CDH12: variants seen among roughly 807,000 people sequenced by gnomAD.
CDH12 encodes cadherin 12.
A neutral mutation model predicts 74.1 loss-of-function variants in CDH12; 41 were observed. The ratio of observed to expected loss-of-function variants is 0.55; its 90% confidence interval spans 0.43 to 0.72. The LOEUF is 0.72. Among genes scored for constraint, CDH12 ranks in the 30% least tolerant of loss-of-function variants. The probability of loss-of-function intolerance (pLI) is 0.00; values close to 1 mark genes in which losing one functional copy is unlikely to be tolerated. For synonymous variants in CDH12, 399 were observed against 355.0 expected, an observed-to-expected ratio of 1.12 and a Z score of -1.39; for missense variants, 945 against 977.2, an observed-to-expected ratio of 0.97 and a Z score of 0.44.
chr5:22,190,558 C>T (rs1219257141), intron 4 of CDH12, among the ~76,000 whole-genome samples: 1 of 152,274 alleles, frequency 6.6e-6, no homozygotes, highest in African/African-American at 2.4e-5. Flanking sequence ...AAGTTGACCC[C>T]TCTCCCTTCT....
At chr5:21,820,097 A>T (rs1748283310) in intron 8 of CDH12, among the ~76,000 whole-genome samples, 1 of 152,066 alleles carries the variant, frequency 6.6e-6, no homozygotes, top group African/African-American at 2.4e-5. Flanking sequence ...GGGGGAAAAA[A>T]AATTAAAGCA....
At chr5:22,483,845 CA>C (rs1387385723) in intron 2 of CDH12, among the ~76,000 whole-genome samples, 1 of 141,668 alleles carries the variant, frequency 7.1e-6, no homozygotes, top group Non-Finnish European at 1.5e-5. Context: ...CACTTGAGCC[CA>C]GGAATTGGAG....
At chr5:22,473,685 C>G (rs917200159) in intron 2 of CDH12, among the ~76,000 whole-genome samples, 1 of 152,020 alleles carries the variant, frequency 6.6e-6, no homozygotes, top group Admixed American at 6.6e-5. Flanking sequence ...AAGTAAAGTC[C>G]TAACTAATGT....
chr5:22,268,582 A>C (rs954252272), intron 3 of CDH12, among the ~76,000 whole-genome samples: 5 of 152,084 alleles, frequency 3.3e-5, no homozygotes, highest in East Asian at 1.9e-4. Flanking sequence ...GTAAAAAAAA[A>C]CTCTACAATT....
intron 6 of CDH12, among the ~76,000 whole-genome samples, chr5:21,899,388 A>C (rs1336998452): frequency 6.6e-6 from 1 of 152,174 alleles, no homozygotes; most frequent in Non-Finnish European, 1.5e-5. Flanking sequence ...TAGATACTTG[A>C]TACAATTCAG....
intron 4 of CDH12, among the ~76,000 whole-genome samples, chr5:22,195,461 A>T (rs7711081): frequency 0.99 from 150,850 of 152,300 alleles, 74,732 homozygotes; most frequent in Middle Eastern, 1. Flanking sequence ...TGCCATTCTT[A>T]TAACCATTAT....
chr5:22,069,570 CAGA>C (rs1178835173), intron 5 of CDH12, among the ~76,000 whole-genome samples: 1 of 152,132 alleles, frequency 6.6e-6, no homozygotes, highest in African/African-American at 2.4e-5. Flanking sequence ...GTCTTAGTTC[CAGA>C]AGGAGGCATG....
rs73062566 is a variant in CDH12 at position 22,239,256 on chromosome 5, C to T, written c.-332-26613G>A. Among the ~76,000 whole-genome samples, 638 of 152,202 alleles carry T rather than the reference C, an allele frequency of 4.2e-3. 5 individuals carry two copies. The highest frequency in any genetic ancestry group is 0.015 in the African/African-American group (617 of 41,558). Reference sequence around the variant, plus strand: ...TCTGGAAACTCCAGGGAAATTTCCCCAGAAATTCTAATTGACTGAAATTGA... The same window carrying T: ...TCTGGAAACTCCAGGGAAATTTCCCTAGAAATTCTAATTGACTGAAATTGA... On this transcript the variant is annotated intron_variant, in intron 3 of 14. Transcript: ENST00000382254.
chr5:22,101,337 T>C (rs1744126313), intron 4 of CDH12, among the ~76,000 whole-genome samples: 1 of 152,184 alleles, frequency 6.6e-6, no homozygotes, highest in South Asian at 2.1e-4. Context: ...TATGTATGTA[T>C]TGTATATTTA....
intron 1 of CDH12, among the ~76,000 whole-genome samples, chr5:22,549,262 C>T (rs1329051349): frequency 2.6e-5 from 4 of 151,964 alleles, no homozygotes; most frequent in Non-Finnish European, 5.9e-5. Flanking sequence ...CCTGAGCCAC[C>T]GCACCTGGCC....
At position 22,226,769 on chromosome 5, in the gene CDH12, T is replaced by A. The variant is rs193064672; in HGVS notation, c.-332-14126A>T. Among the ~76,000 whole-genome samples, 127 of 152,258 alleles carry A rather than the reference T, an allele frequency of 8.3e-4. 2 individuals are homozygous for A. The highest frequency in any genetic ancestry group is 1.1e-3 in the Non-Finnish European group (78 of 68,004). ...GCAGAACACATTTTCTTTCTTGTTG[T>A]ATCACAAATGTTTAGCATAGTATCC... On this transcript the variant is annotated intron_variant, in intron 3 of 14. Transcript: ENST00000382254.
intron 6 of CDH12, among the ~76,000 whole-genome samples, chr5:21,936,764 G>A (rs1178123104): frequency 1.3e-5 from 2 of 152,086 alleles, no homozygotes; most frequent in Non-Finnish European, 2.9e-5. Flanking sequence ...TTAGCTCAAA[G>A]GGGTGGTTTT....
At chr5:22,814,752 G>A (rs1749306450) in intron 1 of CDH12, among the ~76,000 whole-genome samples, 1 of 151,766 alleles carries the variant, frequency 6.6e-6, no homozygotes, top group Non-Finnish European at 1.5e-5. Context: ...TTTTTCACTT[G>A]GTGTAACTAC....
intron 4 of CDH12, among the ~76,000 whole-genome samples, chr5:22,185,703 A>T (rs1324628626): frequency 6.6e-6 from 1 of 152,212 alleles, no homozygotes; most frequent in Non-Finnish European, 1.5e-5. Context: ...AAATCTGACA[A>T]AGCAGCAAGA....
intron 6 of CDH12, among the ~76,000 whole-genome samples, chr5:21,887,826 T>G (rs1487917632): frequency 6.6e-6 from 1 of 152,066 alleles, no homozygotes; most frequent in African/African-American, 2.4e-5. Flanking sequence ...TAATTCACTG[T>G]TATGAGGGCA....
chr5:22,590,212 G>C (rs1580795693), intron 1 of CDH12, among the ~76,000 whole-genome samples: 1 of 152,184 alleles, frequency 6.6e-6, no homozygotes, highest in East Asian at 1.9e-4. Context: ...AGCAGAATAG[G>C]CCATCTCGTT....
At chr5:22,467,257 G>A (rs528534928) in intron 2 of CDH12, among the ~76,000 whole-genome samples, 6 of 152,230 alleles carry the variant, frequency 3.9e-5, no homozygotes, top group Admixed American at 6.5e-5. Flanking sequence ...ACTGTTTAGC[G>A]AGATGACATG....
intron 4 of CDH12, among the ~76,000 whole-genome samples, chr5:22,179,468 G>A (rs978039658): frequency 3.3e-5 from 5 of 152,140 alleles, no homozygotes; most frequent in Middle Eastern, 3.4e-3. Flanking sequence ...GCTCATTATC[G>A]TAAAGTTGGA....
chr5:21,941,119 G>C (rs1417341953), intron 6 of CDH12, among the ~76,000 whole-genome samples: 1 of 152,056 alleles, frequency 6.6e-6, no homozygotes, highest in Non-Finnish European at 1.5e-5. Context: ...CTGCCAGCTA[G>C]CTGCAGGTTA....
Sources: gnomAD v4.1 joint callset for allele counts (sites outside exome capture counted in the v4.1 genomes callset) on GRCh38, gnomAD v4.1.1 for gene constraint, MANE v1.5 for transcripts, NCBI Gene and HGNC (gene_info 2026-07-23, HGNC 2026-07-21) for gene names.